Variants in GRM8 observed in about 807,000 individuals in gnomAD.
The protein encoded by GRM8 is glutamate metabotropic receptor 8, also known as metabotropic glutamate receptor 8.
A neutral mutation model predicts 87.2 loss-of-function variants in GRM8; 47 were observed. The observed-to-expected ratio is 0.54, with a 90% confidence interval of 0.43 to 0.69. The LOEUF is 0.69. Ranked by LOEUF, GRM8 falls within the 30% of genes least tolerant of loss-of-function variation. The pLI, the probability that GRM8 is intolerant of heterozygous loss-of-function variation, is 0.00. For missense variants in GRM8, 1,019 were observed against 1,139.2 expected (o/e 0.89, Z 1.52); for synonymous variants, 396 against 404.5 (o/e 0.98, Z 0.25).
chr7:126,890,358 A>G lies in GRM8; in HGVS notation c.1156+12184T>C, dbSNP rs182522128. On this transcript the variant is annotated intron_variant, in intron 6 of 10. Transcript: ENST00000339582. ...CGCTCTATGAGGCAAGTATTATTTTAATGTATTAGTCTGGACTCTAGGTTG... is the reference window on the plus strand; with the variant it reads ...CGCTCTATGAGGCAAGTATTATTTTGATGTATTAGTCTGGACTCTAGGTTG... 8.5e-4 allele frequency among the ~76,000 whole-genome samples: 130 copies of G among 152,240 alleles called. 2 individuals carry two copies. The highest frequency in any genetic ancestry group is 2.9e-3 in the African/African-American group (122 of 41,556).
At chr7:127,009,905 G>A (rs1406983364) in intron 3 of GRM8, among the ~76,000 whole-genome samples, 1 of 151,954 alleles carries the variant, frequency 6.6e-6, no homozygotes, top group East Asian at 1.9e-4. Flanking sequence ...CTGCAGTGGT[G>A]TGATCTTGGC....
intron 6 of GRM8, among the ~76,000 whole-genome samples, chr7:126,859,758 G>C: frequency 6.6e-6 from 1 of 152,226 alleles, no homozygotes; most frequent in East Asian, 1.9e-4. Context: ...TAAACAAATC[G>C]TCCTTCTATT....
At chr7:126,877,530 G>C (rs896089364) in intron 6 of GRM8, among the ~76,000 whole-genome samples, 5 of 152,174 alleles carry the variant, frequency 3.3e-5, no homozygotes, top group African/African-American at 1.2e-4. Flanking sequence ...AGTTCTATTG[G>C]ACAGTGCTAG....
intron 7 of GRM8, among the ~76,000 whole-genome samples, chr7:126,629,582 G>T (rs1801048905): frequency 1.3e-5 from 2 of 152,122 alleles, no homozygotes; most frequent in Non-Finnish European, 1.5e-5. Flanking sequence ...TATAGGAACA[G>T]ATGCCTAAGT....
chr7:126,944,274 T>C (rs1030188466), intron 3 of GRM8, among the ~76,000 whole-genome samples: 5 of 151,960 alleles, frequency 3.3e-5, no homozygotes, highest in Non-Finnish European at 5.9e-5. Context: ...TCAGAAGCCA[T>C]GAATAAATAC....
chr7:126,768,193 G>C (rs1818411946), intron 7 of GRM8, among the ~76,000 whole-genome samples: 4 of 151,740 alleles, frequency 2.6e-5, no homozygotes, highest in Admixed American at 2.6e-4. Context: ...AGCACTCATT[G>C]CAGATTACAT....
chr7:126,828,594 C>T (rs1795050290), intron 6 of GRM8, among the ~76,000 whole-genome samples: 1 of 151,958 alleles, frequency 6.6e-6, no homozygotes, highest in African/African-American at 2.4e-5. Context: ...CTATTTGATT[C>T]TTCTTTTTTT....
At chr7:126,489,583 T>G (rs757173226) in intron 9 of GRM8, among the ~76,000 whole-genome samples, 1 of 152,084 alleles carries the variant, frequency 6.6e-6, no homozygotes, top group South Asian at 2.1e-4. Context: ...ATTACAGATT[T>G]ATACAGGATA....
Position 126,574,556 on chromosome 7 carries a change from G to C in GRM8, c.1494+34806C>G, listed in dbSNP as rs547557637. 4.3e-4 allele frequency among the ~76,000 whole-genome samples: 65 copies of C among 152,296 alleles called. 1 individual carries two copies. Among genetic ancestry groups the C allele is most frequent in the African/African-American group, 1.5e-3 (61 of 41,574 alleles). ...CACCTATTATACGGTCAGTGATGAA[G>C]CTACATCTTCAGGACTGAGGTTTGA... On this transcript the variant is annotated intron_variant, in intron 8 of 10. Coordinates refer to ENST00000339582, the MANE Select transcript of GRM8 (RefSeq NM_000845.3).
chr7:126,535,301 G>A (rs188239620), intron 8 of GRM8, among the ~76,000 whole-genome samples: 2 of 152,226 alleles, frequency 1.3e-5, no homozygotes, highest in East Asian at 3.9e-4. Flanking sequence ...TTTGGTTTCG[G>A]CCTTGCTCTC....
intron 3 of GRM8, among the ~76,000 whole-genome samples, chr7:126,913,702 T>C (rs529038553): frequency 6.6e-6 from 1 of 152,336 alleles, no homozygotes; most frequent in South Asian, 2.1e-4. Flanking sequence ...TTAGTGGTAG[T>C]TGAGTAAAAT....
chr7:126,848,400 G>A (rs1413464057), intron 6 of GRM8, among the ~76,000 whole-genome samples: 2 of 152,172 alleles, frequency 1.3e-5, no homozygotes, highest in East Asian at 3.8e-4. Context: ...ACCAAAAAAT[G>A]TAAAATATGT....
intron 3 of GRM8, among the ~76,000 whole-genome samples, chr7:127,030,629 T>C (rs1477054376): frequency 6.6e-6 from 1 of 152,096 alleles, no homozygotes; most frequent in Non-Finnish European, 1.5e-5. Flanking sequence ...AAAGATCTGT[T>C]AAATGAATTC....
At chr7:126,708,197 C>A (rs1344244098) in intron 7 of GRM8, among the ~76,000 whole-genome samples, 1 of 151,946 alleles carries the variant, frequency 6.6e-6, no homozygotes, top group Non-Finnish European at 1.5e-5. Context: ...CACTACACAC[C>A]TTTTAGAATA....
At chr7:127,122,354 A>G (rs1186920339) in intron 2 of GRM8, among the ~76,000 whole-genome samples, 1 of 152,124 alleles carries the variant, frequency 6.6e-6, no homozygotes, top group African/African-American at 2.4e-5. Context: ...CGTAACTTAG[A>G]TATATGAAGA....
chr7:126,910,180 A>G (rs1803144508), intron 3 of GRM8, among the ~76,000 whole-genome samples: 1 of 152,018 alleles, frequency 6.6e-6, no homozygotes, highest in Non-Finnish European at 1.5e-5. Context: ...AAACTTTCCA[A>G]TTGTTTCTGT....
rs186654765 is a variant in GRM8, at chr7:126,919,024, T to C, written c.728-14341A>G. ...ACTCATTCTCCTTGCAAATGCGTTATAGCTTAACCATATATAACATGTAAA... is the reference window on the plus strand; with the variant it reads ...ACTCATTCTCCTTGCAAATGCGTTACAGCTTAACCATATATAACATGTAAA... On this transcript the variant is annotated intron_variant, in intron 3 of 10. Transcript: ENST00000339582. Among the ~76,000 whole-genome samples, 523 of 152,260 alleles carry C rather than the reference T, an allele frequency of 3.4e-3. 4 individuals are homozygous for C. The highest frequency in any genetic ancestry group is 5.4e-3 in the Admixed American group (83 of 15,288).
intron 3 of GRM8, among the ~76,000 whole-genome samples, chr7:126,939,840 C>T (rs954002411): frequency 3.9e-5 from 6 of 152,240 alleles, no homozygotes; most frequent in Non-Finnish European, 7.3e-5. Flanking sequence ...GCATCCACAA[C>T]ATTGTTTCTT....
intron 7 of GRM8, among the ~76,000 whole-genome samples, chr7:126,695,296 CCTA>C (rs1202997541): frequency 6.6e-6 from 1 of 151,962 alleles, no homozygotes; most frequent in Non-Finnish European, 1.5e-5. Flanking sequence ...TTTGGAAATA[CCTA>C]CTTTCTTCCA....
Sources: gnomAD v4.1 joint callset for allele counts (sites outside exome capture counted in the v4.1 genomes callset) on GRCh38, gnomAD v4.1.1 for gene constraint, MANE v1.5 for transcripts, NCBI Gene and HGNC (gene_info 2026-07-23, HGNC 2026-07-21) for gene names.